Variants in SERP2 observed in about 807,000 individuals in gnomAD.
SERP2 encodes the protein stress-associated endoplasmic reticulum protein 2.
Under a neutral mutation model 9.1 loss-of-function variants are expected in SERP2, and 6 were observed. The ratio of observed to expected loss-of-function variants is 0.66; its 90% CI spans 0.36 to 1.30. The LOEUF (loss-of-function observed/expected upper bound fraction) is 1.30, where lower values mean the gene tolerates loss of function less well. Ranked by LOEUF, SERP2 falls within the 50% of genes most tolerant of loss-of-function variation. The pLI is 0.03. For synonymous variants in SERP2, 37 were observed against 27.3 expected (o/e 1.35, Z -1.10); for missense variants, 58 against 81.9 (o/e 0.71, Z 1.13).
intron 2 of SERP2, among the ~76,000 whole-genome samples, chr13:44,395,615 A>AG (rs1873052384): frequency 1.3e-5 from 2 of 151,148 alleles, no homozygotes; most frequent in East Asian, 3.9e-4. Flanking sequence ...AAAAAAAAAA[A>AG]AAAAAAAAAG....
At position 44,395,753 on chromosome 13, in the gene SERP2, T is replaced by C. The variant is rs115894692; in HGVS notation, c.158-1519T>C. 1,488 of 455,800 alleles carry C rather than the reference T, an allele frequency of 3.3e-3. 9 individuals are homozygous for C. Among genetic ancestry groups the C allele is most frequent in the African/African-American group, 0.025 (1,231 of 50,164 alleles). The allele number at this position is 455,800 out of a possible 1,614,324, so 28.2% of individuals were successfully genotyped here. On this transcript the variant is annotated intron_variant, in intron 2 of 2. Transcript: ENST00000379179. Reference sequence around the variant, plus strand: ...GTCCCTGACACTCACATGGAGCTGATTGACTCTGATTTGACTCGTAATTCT... The same window carrying C: ...GTCCCTGACACTCACATGGAGCTGACTGACTCTGATTTGACTCGTAATTCT...
rs1160259069 is a variant in SERP2, at chr13:44,397,711, C to T, written c.*399C>T. 4.6e-6 allele frequency: 1 copy of T among 218,840 alleles called. No homozygotes were observed. The highest frequency in any genetic ancestry group is 5.4e-5 in the Admixed American group (1 of 18,406). 13.6% of individuals were successfully genotyped at this position (218,840 alleles called of 1,614,324 possible). On this transcript the variant is annotated 3_prime_UTR_variant, in exon 3 of 3. Coordinates refer to ENST00000379179, the MANE Select transcript of SERP2 (RefSeq NM_001010897.3). ...TTACAAATAAATGTCTTCGTTCAAC[C>T]TTATACCATGTGTGGGTTACAGTGA... is the stretch of plus-strand genomic sequence containing the variant.
At chr13:44,393,753 A>C (rs1872921925) in intron 2 of SERP2, among the ~76,000 whole-genome samples, 2 of 152,162 alleles carry the variant, frequency 1.3e-5, no homozygotes, top group Admixed American at 6.5e-5. Context: ...GAAAGTCAGC[A>C]TTTGGAAGGC....
Position 44,397,521 on chromosome 13 carries a change from A to G in SERP2, c.*209A>G, listed in dbSNP as rs1873190065. ...GCATCCGCGTTCTCAAGCGGAAAGG[A>G]CATTTTGCTTTTCTGTTGGCAGGAT... On this transcript the variant is annotated 3_prime_UTR_variant, in exon 3 of 3. Coordinates refer to ENST00000379179, the MANE Select transcript of SERP2 (RefSeq NM_001010897.3). 6.8e-6 allele frequency: 4 copies of G among 585,922 alleles called. No individual in the cohort carries two copies. Among genetic ancestry groups the G allele is most frequent in the Non-Finnish European group, 1.2e-5 (4 of 328,428 alleles). 36.3% of individuals were successfully genotyped at this position (585,922 alleles called of 1,614,324 possible).
intron 2 of SERP2, among the ~76,000 whole-genome samples, chr13:44,391,926 G>A (rs1872793071): frequency 6.6e-6 from 1 of 151,826 alleles, no homozygotes; most frequent in South Asian, 2.1e-4. Context: ...AAAGCCCTGT[G>A]GTCTCACTCC....
chr13:44,379,479 T>C (rs887645449), intron 1 of SERP2, among the ~76,000 whole-genome samples, 162 bp from the exon 2 acceptor site: 4 of 152,220 alleles, frequency 2.6e-5, no homozygotes, highest in East Asian at 3.8e-4. Context: ...CTCAATCCTT[T>C]TAATGGACTT....
intron 2 of SERP2, among the ~76,000 whole-genome samples, chr13:44,393,854 A>C (rs1336299597): frequency 2.0e-5 from 3 of 152,234 alleles, no homozygotes; most frequent in Non-Finnish European, 4.4e-5. Context: ...ACAATGATAC[A>C]ACTGAAAAAG....
intron 2 of SERP2, among the ~76,000 whole-genome samples, chr13:44,388,468 G>T (rs1872455165): frequency 6.6e-6 from 1 of 152,154 alleles, no homozygotes; most frequent in African/African-American, 2.4e-5. Flanking sequence ...GACTCTCTTT[G>T]CCCATCAAAT....
At chr13:44,384,067 T>TTA (rs1041426565) in intron 2 of SERP2, among the ~76,000 whole-genome samples, 6 of 152,048 alleles carry the variant, frequency 3.9e-5, no homozygotes, top group African/African-American at 1.4e-4. Flanking sequence ...TTGCCAACTT[T>TTA]AGCAATTTTT....
chr13:44,392,333 G>C lies in SERP2; in HGVS notation c.158-4939G>C, dbSNP rs1163330262. 2.0e-5 allele frequency among the ~76,000 whole-genome samples: 3 copies of C among 151,978 alleles called. No individual in the cohort carries two copies. In the East Asian group the frequency reaches 5.8e-4, roughly 29 times the overall value. ...TCTGGACAGGGACCATGATGTGCAG[G>C]TCATGAAGGCCTCATCAGGGATTGG... On this transcript the variant is annotated intron_variant, in intron 2 of 2. Transcript: ENST00000379179.
intron 2 of SERP2, among the ~76,000 whole-genome samples, chr13:44,385,056 G>T (rs569184440): frequency 6.6e-6 from 1 of 152,188 alleles, no homozygotes; most frequent in Non-Finnish European, 1.5e-5. Flanking sequence ...AGTTAGGACT[G>T]GTAAGAAGCT....
At chr13:44,394,080 T>C (rs1280736085) in intron 2 of SERP2, among the ~76,000 whole-genome samples, 6 of 152,232 alleles carry the variant, frequency 3.9e-5, no homozygotes, top group Non-Finnish European at 7.3e-5. Context: ...GTTGTTTTAA[T>C]ATCAGTGTCG....
chr13:44,381,780 A>G (rs1354877080), intron 2 of SERP2, among the ~76,000 whole-genome samples: 1 of 152,176 alleles, frequency 6.6e-6, no homozygotes, highest in Admixed American at 6.5e-5. Context: ...CCCCGGAAAC[A>G]CATCTACATA....
chr13:44,387,369 A>G (rs1872375840), intron 2 of SERP2, among the ~76,000 whole-genome samples: 1 of 152,168 alleles, frequency 6.6e-6, no homozygotes, highest in African/African-American at 2.4e-5. Context: ...GTTGATTGGT[A>G]ATGTCTGTCC....
At position 44,397,492 on chromosome 13, in the gene SERP2, T is replaced by C. The variant is rs1873187088; in HGVS notation, c.*180T>C. 8.1e-6 allele frequency: 5 copies of C among 613,700 alleles called. No homozygotes were observed. The highest frequency in any genetic ancestry group is 8.7e-6 in the Non-Finnish European group (3 of 345,072). 38.0% of individuals were successfully genotyped at this position (613,700 alleles called of 1,614,324 possible). On this transcript the variant is annotated 3_prime_UTR_variant, in exon 3 of 3. Transcript: ENST00000379179. ...CAAATTGCCTTCTCACAGGACATCT[T>C]GGTGCATCCGCGTTCTCAAGCGGAA... is the stretch of plus-strand genomic sequence containing the variant.
chr13:44,373,924 C>T lies in SERP2; in HGVS notation c.-102C>T. ...GCCACGCCTTGCCACCTGCAGCGCC[C>T]GGGTGGGCCGCGGGGGCCTCGGCGG... On this transcript the variant is annotated 5_prime_UTR_variant, in exon 1 of 3. Transcript: ENST00000379179. This position sits in a 1 kb window ranked among gnomAD's most constrained non-coding sequence, Gnocchi z 4.8. 8.9e-7 allele frequency: 1 copy of T among 1,127,150 alleles called. No individual in the cohort carries two copies. The highest frequency in any genetic ancestry group is 1.3e-6 in the Non-Finnish European group (1 of 783,786). 69.8% of individuals were successfully genotyped at this position (1,127,150 alleles called of 1,614,324 possible). A position where few individuals can be genotyped will look rare whatever the true frequency, so the allele number is the denominator to read the frequency against.
At chr13:44,384,702 T>C (rs368637614) in intron 2 of SERP2, among the ~76,000 whole-genome samples, 116 of 152,374 alleles carry the variant, frequency 7.6e-4, no homozygotes, top group African/African-American at 2.5e-3. Flanking sequence ...CAGGCTCAAG[T>C]TCCATTTCAC....
intron 1 of SERP2, among the ~76,000 whole-genome samples, chr13:44,377,763 T>G (rs1595047718): frequency 6.6e-6 from 1 of 152,244 alleles, no homozygotes; most frequent in East Asian, 1.9e-4. Flanking sequence ...GACAATATCC[T>G]TCCTAGAACC....
At chr13:44,395,722 A>T in intron 2 of SERP2, 1 of 437,494 alleles carries the variant, frequency 2.3e-6, no homozygotes, top group Non-Finnish European at 4.6e-6. Context: ...CCATATCTAC[A>T]GATGAGTCCC....
Sources: allele counts gnomAD v4.1 joint callset (sites outside exome capture counted in the v4.1 genomes callset), GRCh38; gene constraint gnomAD v4.1.1; non-coding constraint Gnocchi (gnomAD v3.1); transcripts MANE v1.5; gene names NCBI Gene and HGNC (gene_info 2026-07-23, HGNC 2026-07-21).